Variants in POLN observed in about 807,000 individuals in gnomAD.
The protein encoded by POLN is DNA polymerase nu.
POLN carries 108 observed loss-of-function variants against 113.5 expected under a neutral mutation model. The observed-to-expected ratio is 0.95, with a 90% CI of 0.81 to 1.12. The LOEUF is 1.12. Among genes scored for constraint, POLN ranks in the 50% most tolerant of loss-of-function variants. POLN has a pLI of 0.00. For missense variants in POLN, 1,097 were observed against 1,077.1 expected (o/e 1.02, Z -0.26); for synonymous variants, 386 against 391.5 (o/e 0.99, Z 0.17).
chr4:2,218,380 G>C (rs946178160), intron 3 of POLN, among the ~76,000 whole-genome samples: 33 of 152,104 alleles, frequency 2.2e-4, no homozygotes, highest in African/African-American at 7.7e-4. Flanking sequence ...GGAAGGCGGA[G>C]GTTGTGGTGA....
intron 19 of POLN, among the ~76,000 whole-genome samples, chr4:2,100,680 C>T (rs1013009994): frequency 6.6e-6 from 1 of 151,798 alleles, no homozygotes; most frequent in East Asian, 1.9e-4. Context: ...TTAAAAAGGG[C>T]GAGTAATGAG....
chr4:2,233,446 T>TC (rs367597558), intron 2 of POLN, among the ~76,000 whole-genome samples: 1 of 152,192 alleles, frequency 6.6e-6, no homozygotes, highest in African/African-American at 2.4e-5. Context: ...CATTTTTTTT[T>TC]CACATTTTAA....
intron 19 of POLN, among the ~76,000 whole-genome samples, chr4:2,109,613 C>T (rs1234907156): frequency 6.6e-6 from 1 of 151,744 alleles, no homozygotes; most frequent in South Asian, 2.1e-4. Context: ...ATGAATTGGC[C>T]CTTTTATCAT....
chr4:2,110,906 T>C (rs895247985), intron 19 of POLN, among the ~76,000 whole-genome samples: 144 of 152,164 alleles, frequency 9.5e-4, no homozygotes, highest in African/African-American at 3.4e-3. Flanking sequence ...CAGCATCATC[T>C]TGATACCAAA....
At chr4:2,110,851 A>G (rs1480195957) in intron 19 of POLN, among the ~76,000 whole-genome samples, 2 of 152,346 alleles carry the variant, frequency 1.3e-5, no homozygotes, top group African/African-American at 4.8e-5. Context: ...AACTATTCCA[A>G]TCAACAGAAA....
chr4:2,223,236 T>C (rs1042302724), intron 3 of POLN, among the ~76,000 whole-genome samples: 2 of 152,176 alleles, frequency 1.3e-5, no homozygotes, highest in African/African-American at 2.4e-5. Context: ...GAAAACATCA[T>C]AGATCAAGGG....
At chr4:2,174,042 G>A (rs770215560) in intron 10 of POLN, 23 bp from the exon 11 acceptor site, 1 of 1,610,818 alleles carries the variant, frequency 6.2e-7, no homozygotes, top group Admixed American at 1.7e-5. Context: ...ACCCAAACCA[G>A]ATCATATTTG....
intron 3 of POLN, among the ~76,000 whole-genome samples, chr4:2,213,922 C>T (rs940144434): frequency 6.6e-6 from 1 of 152,124 alleles, no homozygotes; most frequent in Non-Finnish European, 1.5e-5. Flanking sequence ...AAAATAATTT[C>T]AAAGTACGAA....
intron 13 of POLN, 28 bp from the exon 14 acceptor site, chr4:2,159,239 G>A: frequency 6.5e-7 from 1 of 1,539,256 alleles, no homozygotes; most frequent in Admixed American, 1.7e-5. Flanking sequence ...TACTACCAAT[G>A]TAATTCGTCC....
intron 24 of POLN, among the ~76,000 whole-genome samples, chr4:2,074,226 C>T (rs1010019438): frequency 2.6e-5 from 4 of 152,158 alleles, no homozygotes; most frequent in African/African-American, 7.2e-5. Context: ...GTGGGGCCCT[C>T]GGGAGGGCAG....
intron 8 of POLN, among the ~76,000 whole-genome samples, chr4:2,179,044 T>A (rs925923790): frequency 3.3e-5 from 5 of 152,098 alleles, no homozygotes; most frequent in Admixed American, 2.6e-4. Context: ...ATGGAGCAGG[T>A]GACACTGACA....
At chr4:2,172,210 G>C (rs923086570) in intron 11 of POLN, among the ~76,000 whole-genome samples, 1 of 152,144 alleles carries the variant, frequency 6.6e-6, no homozygotes. Context: ...CTGCCTGCAT[G>C]ACCTGAAATG....
At chr4:2,216,498 T>A (rs1220008318) in intron 3 of POLN, among the ~76,000 whole-genome samples, 1 of 152,208 alleles carries the variant, frequency 6.6e-6, no homozygotes, top group East Asian at 1.9e-4. Context: ...AGGTGAGCTG[T>A]GCCTTCCACA....
At chr4:2,223,522 G>A (rs974695025) in intron 3 of POLN, among the ~76,000 whole-genome samples, 4 of 152,134 alleles carry the variant, frequency 2.6e-5, no homozygotes, top group Non-Finnish European at 1.5e-5. Context: ...CCCCCATCCC[G>A]TGGAAAAATT....
intron 14 of POLN, 28 bp from the exon 15 acceptor site, chr4:2,157,939 T>C: frequency 6.4e-7 from 1 of 1,564,508 alleles, no homozygotes; most frequent in Non-Finnish European, 8.8e-7. Flanking sequence ...GAATAATCAT[T>C]TTCTTTAAGT....
chr4:2,211,362 G>T (rs555141517), intron 4 of POLN, among the ~76,000 whole-genome samples: 28 of 151,484 alleles, frequency 1.8e-4, no homozygotes, highest in African/African-American at 6.8e-4. Flanking sequence ...TATTTTAAAT[G>T]GTAATGTAAC....
chr4:2,085,656 G>A lies in POLN; in HGVS notation c.2154C>T (p.Ile718=), dbSNP rs1020786216. 2 of 1,614,012 alleles carry A rather than the reference G, an allele frequency of 1.2e-6. No individual in the cohort carries two copies. Among genetic ancestry groups the A allele is most frequent in the African/African-American group, 2.7e-5 (2 of 74,926 alleles). Reference sequence around the variant, plus strand: ...CAATAGCTGCTCGGGCGAAGTCCTTGATTTTCTTGTACTTCTGCAAAAAAC... The same window carrying A: ...CAATAGCTGCTCGGGCGAAGTCCTTAATTTTCTTGTACTTCTGCAAAAAAC... ...LESFLQKYKK[I]KDFARAAIAQ... Residue 718 remains isoleucine, a synonymous_variant, in exon 21 of 26, where the codon ATC becomes ATT. Coordinates refer to ENST00000511885, the MANE Select transcript of POLN (RefSeq NM_181808.4).
At chr4:2,236,304 G>T in intron 2 of POLN, 2 of 1,613,636 alleles carry the variant, frequency 1.2e-6, no homozygotes. Context: ...ATTCCGTTTG[G>T]ACAGAAAGAA....
chr4:2,154,210 A>C (rs1732368308), intron 16 of POLN, among the ~76,000 whole-genome samples: 1 of 150,348 alleles, frequency 6.7e-6, no homozygotes, highest in African/African-American at 2.4e-5. Flanking sequence ...AAAAAAAAAA[A>C]AAAAAAAAAA....
Sources: gnomAD v4.1 joint callset for allele counts (sites outside exome capture counted in the v4.1 genomes callset) on GRCh38, gnomAD v4.1.1 for gene constraint, MANE v1.5 for transcripts, NCBI Gene and HGNC (gene_info 2026-07-23, HGNC 2026-07-21) for gene names.